Variants in DNAJA1 observed in about 807,000 individuals in gnomAD.
The protein encoded by DNAJA1 is dnaJ homolog subfamily A member 1.
A neutral mutation model predicts 47.6 loss-of-function variants in DNAJA1; 26 were observed. The observed-to-expected ratio is 0.55, with a 90% CI of 0.40 to 0.76. DNAJA1 has a LOEUF of 0.76. DNAJA1 is among the 30% of genes least tolerant of loss of function. The probability of loss-of-function intolerance (pLI) is 0.00; values close to 1 mark genes in which losing one functional copy is unlikely to be tolerated. For synonymous variants in DNAJA1, 165 were observed against 158.4 expected, an observed-to-expected ratio of 1.04 and a Z score of -0.31; for missense variants, 315 against 485.0, an observed-to-expected ratio of 0.65 and a Z score of 3.29.
At chr9:33,033,916 G>C (rs1331264847) in intron 5 of DNAJA1, among the ~76,000 whole-genome samples, 1 of 152,192 alleles carries the variant, frequency 6.6e-6, no homozygotes, top group Non-Finnish European at 1.5e-5. Flanking sequence ...TATTGCTAAT[G>C]AGGTGTAGGT....
At chr9:33,033,712 A>T (rs552187645) in intron 5 of DNAJA1, among the ~76,000 whole-genome samples, 1 of 152,210 alleles carries the variant, frequency 6.6e-6, no homozygotes, top group Admixed American at 6.5e-5. Flanking sequence ...TAGATTTAAA[A>T]TTTTTTTAGT....
chr9:33,034,142 C>T, intron 5 of DNAJA1, 74 bp from the exon 6 acceptor site: 4 of 1,032,188 alleles, frequency 3.9e-6, no homozygotes, highest in Non-Finnish European at 5.6e-6. Flanking sequence ...AAACAAACAT[C>T]TATGTATAGA....
chr9:33,025,703 G>T (rs370585279), intron 1 of DNAJA1, among the ~76,000 whole-genome samples: 27 of 152,274 alleles, frequency 1.8e-4, no homozygotes, highest in African/African-American at 2.6e-4. Context: ...CGGGGTGGGG[G>T]GGGGGAGTGG....
In DNAJA1 at chr9:33,036,405, CAT is replaced by C. The variant is rs1321616933; in HGVS notation, c.759-168_759-167del. The C allele has an allele frequency of 3.5e-5, 16 of 453,824 alleles. No individual in the cohort carries two copies. The East Asian group carries it at 4.9e-4, about 14-fold the overall frequency. 28.1% of individuals were successfully genotyped at this position (453,824 alleles called of 1,614,324 possible). On this transcript the variant is annotated intron_variant, in intron 6 of 8. Coordinates refer to ENST00000330899, the MANE Select transcript of DNAJA1 (RefSeq NM_001539.4). ...TAGGAAACGGGGCTGGCAGGTTGCACATGTTTGCTCTTCCCAGATCTCTGCTC... is the reference window on the plus strand; with the variant it reads ...TAGGAAACGGGGCTGGCAGGTTGCACGTTTGCTCTTCCCAGATCTCTGCTC...
chr9:33,034,715 C>T (rs892897573), intron 6 of DNAJA1, among the ~76,000 whole-genome samples: 1 of 152,160 alleles, frequency 6.6e-6, no homozygotes, highest in Non-Finnish European at 1.5e-5. Context: ...TATCCAAAAG[C>T]ATCTCTGTAG....
rs1378378234 is a variant in DNAJA1 at position 33,030,595 on chromosome 9, G to GAT, written c.573_574dup (p.Arg192IlefsTer11). 2.5e-6 allele frequency: 4 copies of GAT among 1,613,998 alleles called. No homozygotes were observed. Among genetic ancestry groups the GAT allele is most frequent in the Non-Finnish European group, 3.4e-6 (4 of 1,180,020 alleles). On this transcript the variant is annotated frameshift_variant, in exon 5 of 9. Coordinates refer to ENST00000330899, the MANE Select transcript of DNAJA1 (RefSeq NM_001539.4). LOFTEE classifies it high-confidence loss of function. ...CCATGGGGAGCGGATCAGTCCTAAA[G>GAT]ATAGATGTAAAAGCTGCAACGGAAG... is the stretch of plus-strand genomic sequence containing the variant.
intron 3 of DNAJA1, among the ~76,000 whole-genome samples, chr9:33,028,673 G>A (rs1331253168): frequency 1.3e-5 from 2 of 152,176 alleles, no homozygotes; most frequent in Non-Finnish European, 2.9e-5. Flanking sequence ...AGAACCTGCA[G>A]GTTAACATTG....
intron 7 of DNAJA1, 48 bp from the exon 8 acceptor site, chr9:33,036,967 T>C (rs1839044708): frequency 6.5e-7 from 1 of 1,532,560 alleles, no homozygotes; most frequent in Non-Finnish European, 8.9e-7. Flanking sequence ...CCCTGCCTCA[T>C]AAAAATGTGA....
Position 33,026,745 on chromosome 9 carries a change from C to G in DNAJA1, c.133-68C>G, listed in dbSNP as rs1053552721. The G allele has an allele frequency of 1.4e-5, 22 of 1,581,076 alleles. No homozygotes were observed. In the African/African-American group the frequency reaches 3.0e-4, roughly 22 times the overall value. ...ACTTCTCGGCCTTTTTAGCTAAGAT[C>G]AAGTGTAATGTAGCTAGGTAACACT... On this transcript the variant is annotated intron_variant, in intron 2 of 8. Transcript: ENST00000330899.
In DNAJA1 at chr9:33,033,379, T is replaced by C. The variant is rs577433958; in HGVS notation, c.644-837T>C. Among the ~76,000 whole-genome samples the C allele has an allele frequency of 1.5e-4, 23 of 152,184 alleles. No individual in the cohort carries two copies. The East Asian group carries it at 1.7e-3, about 12-fold the overall frequency. On this transcript the variant is annotated intron_variant, in intron 5 of 8. Transcript: ENST00000330899. Reference sequence around the variant, plus strand: ...CCTCTCAAAGTATAATTACCCTTTTTTTAAGGGGACTATACTGAATAGTTC... The same window carrying C: ...CCTCTCAAAGTATAATTACCCTTTTCTTAAGGGGACTATACTGAATAGTTC...
In DNAJA1 at chr9:33,030,564, C is replaced by T; in HGVS notation, c.540C>T (p.Cys180=). Residue 180 remains cysteine, a synonymous_variant, in exon 5 of 9, where the codon TGC becomes TGT. Transcript: ENST00000330899. The part of the protein sequence containing the change: ...VQQIQSVCME[C]QGHGERISPK... Reference sequence around the variant, plus strand: ...AAATTCAGTCTGTGTGCATGGAGTGCCAGGGCCATGGGGAGCGGATCAGTC... The same window carrying T: ...AAATTCAGTCTGTGTGCATGGAGTGTCAGGGCCATGGGGAGCGGATCAGTC... The T allele has an allele frequency of 6.2e-7, 1 of 1,614,034 alleles. No homozygotes were observed. Among genetic ancestry groups the T allele is most frequent in the Non-Finnish European group, 8.5e-7 (1 of 1,179,994 alleles).
At chr9:33,036,723 T>G (rs1839041250) in intron 7 of DNAJA1, 34 bp downstream of exon 7, 1 of 1,471,848 alleles carries the variant, frequency 6.8e-7, no homozygotes, top group Non-Finnish European at 9.4e-7. Context: ...ACTTCTCTTT[T>G]CTATTCTAGT....
chr9:33,032,361 T>C (rs1444061651), intron 5 of DNAJA1, among the ~76,000 whole-genome samples: 2 of 152,256 alleles, frequency 1.3e-5, no homozygotes, highest in Non-Finnish European at 2.9e-5. Context: ...TTTGAGGTGT[T>C]CTTGATACCA....
intron 6 of DNAJA1, among the ~76,000 whole-genome samples, chr9:33,035,152 C>T (rs1839015138): frequency 6.6e-6 from 1 of 150,540 alleles, no homozygotes; most frequent in East Asian, 2.0e-4. Context: ...AATCCCAACA[C>T]TTTAGGAGGC....
chr9:33,026,280 C>G (rs927950000), intron 1 of DNAJA1, among the ~76,000 whole-genome samples, 195 bp from the exon 2 acceptor site: 6 of 152,156 alleles, frequency 3.9e-5, no homozygotes, highest in African/African-American at 1.2e-4. Flanking sequence ...AGATTATTTC[C>G]CGATAATGAT....
rs3065219 is a variant in DNAJA1 at position 33,034,999 on chromosome 9, GC to G, written c.758+671del. Among the ~76,000 whole-genome samples the G allele has an allele frequency of 7.3e-4, 109 of 149,466 alleles. 2 individuals are homozygous for G. Among genetic ancestry groups the G allele is most frequent in the Non-Finnish European group, 3.7e-4 (25 of 67,648 alleles). On this transcript the variant is annotated intron_variant, in intron 6 of 8. Coordinates refer to ENST00000330899, the MANE Select transcript of DNAJA1 (RefSeq NM_001539.4). ...CTCAGGAGTTCAAGGTTATGATCAT[GC>G]CACTGCATTCTAGCCTGGGTGACAG... is the stretch of plus-strand genomic sequence containing the variant.
chr9:33,039,885 T>C lies in DNAJA1; in HGVS notation c.*982T>C, dbSNP rs1304660316. 1 of 152,184 alleles carries C rather than the reference T, an allele frequency of 6.6e-6. No homozygotes were observed. The highest frequency in any genetic ancestry group is 6.5e-5 in the Admixed American group (1 of 15,270). 9.4% of individuals were successfully genotyped at this position (152,184 alleles called of 1,614,324 possible). A position where few individuals can be genotyped will look rare whatever the true frequency, so the allele number is the denominator to read the frequency against. Reference sequence around the variant, plus strand: ...CTTGAAATGTATTGTCTCCTTAATATACTAATTACAAAGCATCTCCAATGT... The same window carrying C: ...CTTGAAATGTATTGTCTCCTTAATACACTAATTACAAAGCATCTCCAATGT... On this transcript the variant is annotated 3_prime_UTR_variant, in exon 9 of 9. Transcript: ENST00000330899.
intron 5 of DNAJA1, 151 bp downstream of exon 5, chr9:33,030,818 T>C: frequency 1.4e-6 from 1 of 720,946 alleles, no homozygotes; most frequent in South Asian, 2.0e-5. Context: ...ATAATGTTCT[T>C]TTATCCAGAC....
chr9:33,030,896 G>C (rs961896890), intron 5 of DNAJA1, among the ~76,000 whole-genome samples: 2 of 152,066 alleles, frequency 1.3e-5, no homozygotes, highest in African/African-American at 4.8e-5. Flanking sequence ...AATATAACAG[G>C]ATCATCTTTT....
Sources: gnomAD v4.1 joint callset for allele counts (sites outside exome capture counted in the v4.1 genomes callset) on GRCh38, gnomAD v4.1.1 for gene constraint, MANE v1.5 for transcripts, NCBI Gene and HGNC (gene_info 2026-07-23, HGNC 2026-07-21) for gene names.